The following MX2 variants were observed in gnomAD, a reference collection of about 807,000 sequenced individuals.
The protein encoded by MX2 is interferon-induced GTP-binding protein Mx2.
In MX2, 51 loss-of-function variants were observed where a neutral mutation model predicts 74.0. The observed-to-expected ratio is 0.69, with a 90% CI of 0.55 to 0.87. The LOEUF (loss-of-function observed/expected upper bound fraction) is 0.87, where lower values mean the gene tolerates loss of function less well. Ranked by LOEUF, MX2 falls within the 40% of genes least tolerant of loss-of-function variation. The pLI is 0.00. For synonymous variants in MX2, 369 were observed against 339.3 expected (o/e 1.09, Z -0.96); for missense variants, 832 against 908.7 (o/e 0.92, Z 1.09).
At position 41,408,289 on chromosome 21, in the gene MX2, G is replaced by A. The variant is rs902280790; in HGVS notation, c.*56G>A. 2 of 1,592,760 alleles carry A rather than the reference G, an allele frequency of 1.3e-6. No homozygotes were observed. Among genetic ancestry groups the A allele is most frequent in the African/African-American group, 2.7e-5 (2 of 74,356 alleles). Reference sequence around the variant, plus strand: ...TGCGTACTCATTCATTCTAAGGGGAGTCGGTGCAGGATGCCGCTTCTGCTT... The same window carrying A: ...TGCGTACTCATTCATTCTAAGGGGAATCGGTGCAGGATGCCGCTTCTGCTT... On this transcript the variant is annotated 3_prime_UTR_variant, in exon 14 of 14. Coordinates refer to ENST00000330714, the MANE Select transcript of MX2 (RefSeq NM_002463.2).
chr21:41,387,519 C>T (rs867826988), intron 5 of MX2, among the ~76,000 whole-genome samples: 1 of 152,288 alleles, frequency 6.6e-6, no homozygotes, highest in South Asian at 2.1e-4. Flanking sequence ...GGCATCTGGG[C>T]ACATTGACCC....
At position 41,388,672 on chromosome 21, in the gene MX2, A is replaced by C. The variant is rs1017693826; in HGVS notation, c.733-1893A>C. On this transcript the variant is annotated intron_variant, in intron 5 of 13. Coordinates refer to ENST00000330714, the MANE Select transcript of MX2 (RefSeq NM_002463.2). This position sits in a 1 kb window ranked among gnomAD's most constrained non-coding sequence, Gnocchi z 4.0. ...GGTGGGCACTGCTAATGTTTGCTGC[A>C]TGCACATAACGTGCTCTTTATGGTC... Among the ~76,000 whole-genome samples the C allele has an allele frequency of 5.3e-5, 8 of 152,208 alleles. No individual in the cohort carries two copies. Among genetic ancestry groups the C allele is most frequent in the Non-Finnish European group, 5.9e-5 (4 of 68,028 alleles).
rs535690950 is a variant in MX2 at position 41,371,226 on chromosome 21, C to A, written c.-71-5610C>A. On this transcript the variant is annotated intron_variant, in intron 1 of 13. Coordinates refer to ENST00000330714, the MANE Select transcript of MX2 (RefSeq NM_002463.2). ...TGAAGCTGTCCACTCCCAAAGCCGACTGCTTGGTCCATAGCTCTTAGTTTT... is the reference window on the plus strand; with the variant it reads ...TGAAGCTGTCCACTCCCAAAGCCGAATGCTTGGTCCATAGCTCTTAGTTTT... Among the ~76,000 whole-genome samples, 34 of 152,314 alleles carry A rather than the reference C, an allele frequency of 2.2e-4. No homozygotes were observed. The South Asian group carries it at 6.8e-3, about 31-fold the overall frequency.
chr21:41,393,127 A>AAAAAG (rs1568944005), intron 6 of MX2, among the ~76,000 whole-genome samples: 96 of 141,956 alleles, frequency 6.8e-4, no homozygotes, highest in Middle Eastern at 3.6e-3. Flanking sequence ...AAAAAAAAAA[A>AAAAAG]AAAAGAAAGA....
Position 41,393,828 on chromosome 21 carries a change from G to A in MX2, c.872-1759G>A, listed in dbSNP as rs141222732. Among the ~76,000 whole-genome samples, 73 of 152,168 alleles carry A rather than the reference G, an allele frequency of 4.8e-4. 1 individual carries two copies. In the East Asian group the frequency reaches 0.013, roughly 26 times the overall value. ...TGACCAGAACAGAACTCTTGGTTTC[G>A]TACTCCATCCTGATTCACCTCCTCT... On this transcript the variant is annotated intron_variant, in intron 6 of 13. Transcript: ENST00000330714.
At chr21:41,394,305 C>T (rs1482084783) in intron 6 of MX2, among the ~76,000 whole-genome samples, 4 of 152,180 alleles carry the variant, frequency 2.6e-5, no homozygotes, top group Non-Finnish European at 5.9e-5. Flanking sequence ...TGCTCATGAC[C>T]CTCCAATACG....
Position 41,402,238 on chromosome 21 carries a change from C to A in MX2, c.1573+110C>A. 1.6e-6 allele frequency: 2 copies of A among 1,269,204 alleles called. No homozygotes were observed. Among genetic ancestry groups the A allele is most frequent in the Non-Finnish European group, 2.2e-6 (2 of 922,902 alleles). The allele number at this position is 1,269,204 out of a possible 1,614,324, so 78.6% of individuals were successfully genotyped here. ...GAGTTACCAAACCAGCCTGCAGACA[C>A]GCTCACTGGTGTGCTAGATTGCTAC... On this transcript the variant is annotated intron_variant, in intron 11 of 13. Coordinates refer to ENST00000330714, the MANE Select transcript of MX2 (RefSeq NM_002463.2). The surrounding 1 kb of genome is among the most constrained non-coding windows in gnomAD (Gnocchi z 4.5).
At chr21:41,382,061 G>A (rs1049740251) in intron 4 of MX2, among the ~76,000 whole-genome samples, 1 of 152,200 alleles carries the variant, frequency 6.6e-6, no homozygotes, top group African/African-American at 2.4e-5. Context: ...TTGGAGGGAG[G>A]AATGTTGAAG....
rs2089918856 is a variant in MX2, at chr21:41,408,729, G to A, written c.*496G>A. On this transcript the variant is annotated 3_prime_UTR_variant, in exon 14 of 14. Coordinates refer to ENST00000330714, the MANE Select transcript of MX2 (RefSeq NM_002463.2). ...CTCAAGCCCAGGCCTTGGACATTTA[G>A]TGACTGTTAGCCGGTCCCTTTCAGA... 6.5e-6 allele frequency: 1 copy of A among 153,978 alleles called. No homozygotes were observed. Among genetic ancestry groups the A allele is most frequent in the African/African-American group, 2.4e-5 (1 of 41,440 alleles). 9.5% of individuals were successfully genotyped at this position (153,978 alleles called of 1,614,324 possible).
At chr21:41,395,911 T>C (rs950768775) in intron 7 of MX2, 126 bp downstream of exon 7, 4 of 857,394 alleles carry the variant, frequency 4.7e-6, no homozygotes, top group Admixed American at 2.8e-5. Context: ...TAGCCTCACC[T>C]GATTTTTGTG....
chr21:41,381,513 G>A lies in MX2; in HGVS notation c.578-897G>A, dbSNP rs184732471. On this transcript the variant is annotated intron_variant, in intron 4 of 13. Coordinates refer to ENST00000330714, the MANE Select transcript of MX2 (RefSeq NM_002463.2). Reference sequence around the variant, plus strand: ...ATCCTGGCTAACATGGTGAAACCCCGTCTCTTCTAAAAATACAAAAAATTA... The same window carrying A: ...ATCCTGGCTAACATGGTGAAACCCCATCTCTTCTAAAAATACAAAAAATTA... 7.5e-3 allele frequency among the ~76,000 whole-genome samples: 1,139 copies of A among 152,054 alleles called. 18 individuals are homozygous for A. The highest frequency in any genetic ancestry group is 0.025 in the African/African-American group (1,040 of 41,464).
In MX2 at chr21:41,402,091, G is replaced by T; in HGVS notation, c.1536G>T (p.Leu512=). ...TCGTGCATCAGTACATCCAGCAGCT[G>T]GTGGAGCCCGCCCTTAGCATGCTCC... ...EIIVHQYIQQ[L]VEPALSMLQK... Residue 512 remains leucine, a synonymous_variant, in exon 11 of 14, where the codon CTG becomes CTT. Coordinates refer to ENST00000330714, the MANE Select transcript of MX2 (RefSeq NM_002463.2). The surrounding 1 kb of genome is among the most constrained non-coding windows in gnomAD (Gnocchi z 4.5). 6.2e-7 allele frequency: 1 copy of T among 1,614,136 alleles called. No individual in the cohort carries two copies. Among genetic ancestry groups the T allele is most frequent in the East Asian group, 2.2e-5 (1 of 44,886 alleles).
chr21:41,389,414 G>A (rs911962921), intron 5 of MX2: 18 of 152,186 alleles, frequency 1.2e-4, no homozygotes, highest in African/African-American at 3.9e-4. Context: ...CCAGCTACTC[G>A]GGAGGCTGAA....
intron 5 of MX2, among the ~76,000 whole-genome samples, chr21:41,385,892 A>G: frequency 6.6e-6 from 1 of 152,202 alleles, no homozygotes; most frequent in East Asian, 1.9e-4. Context: ...GAAATAGCAC[A>G]AAAATTACCA....
At chr21:41,390,482 A>G in intron 5 of MX2, 83 bp from the exon 6 acceptor site, 3 of 1,584,202 alleles carry the variant, frequency 1.9e-6, no homozygotes, top group Admixed American at 1.7e-5. Flanking sequence ...CCTTTGCGCC[A>G]TCATGCCTGC....
At chr21:41,389,388 G>A (rs1378116998) in intron 5 of MX2, among the ~76,000 whole-genome samples, 4 of 152,058 alleles carry the variant, frequency 2.6e-5, no homozygotes, top group African/African-American at 9.7e-5. Context: ...AGGCATGGTG[G>A]TGCATGCCTG....
chr21:41,398,368 A>G (rs1005810181), intron 8 of MX2, among the ~76,000 whole-genome samples: 1 of 152,346 alleles, frequency 6.6e-6, no homozygotes, highest in African/African-American at 2.4e-5. Context: ...TGTAAGAAAT[A>G]AGTCCATTTT....
chr21:41,378,017 C>A (rs767310401), intron 3 of MX2, 36 bp downstream of exon 3: 5 of 1,594,610 alleles, frequency 3.1e-6, no homozygotes, highest in Admixed American at 3.4e-5. Flanking sequence ...CCGCAGCAAG[C>A]AGCGCCACCT....
intron 5 of MX2, among the ~76,000 whole-genome samples, chr21:41,384,303 G>C (rs765280703): frequency 6.6e-6 from 1 of 152,122 alleles, no homozygotes; most frequent in African/African-American, 2.4e-5. Flanking sequence ...ATACAGGTGG[G>C]ATCAGAACAT....
Sources: allele counts gnomAD v4.1 joint callset (sites outside exome capture counted in the v4.1 genomes callset), GRCh38; gene constraint gnomAD v4.1.1; non-coding constraint Gnocchi (gnomAD v3.1); transcripts MANE v1.5; gene names NCBI Gene and HGNC (gene_info 2026-07-23, HGNC 2026-07-21).